The following CDIN1 variants were observed in gnomAD, a reference collection of about 807,000 sequenced individuals.
CDIN1 encodes the protein CDAN1-interacting nuclease 1.
A neutral mutation model predicts 45.3 loss-of-function variants in CDIN1; 33 were observed. The observed-to-expected ratio is 0.73, with a 90% confidence interval of 0.55 to 0.97. The LOEUF is 0.97. Among genes scored for constraint, CDIN1 ranks in the 50% least tolerant of loss-of-function variants. The probability of loss-of-function intolerance (pLI) is 0.00; values close to 1 mark genes in which losing one functional copy is unlikely to be tolerated. For synonymous variants in CDIN1, 118 were observed against 124.4 expected, an observed-to-expected ratio of 0.95 and a Z score of 0.34; for missense variants, 303 against 339.4, an observed-to-expected ratio of 0.89 and a Z score of 0.84.
At chr15:36,744,979 A>C (rs1042166588) in intron 10 of CDIN1, among the ~76,000 whole-genome samples, 2 of 152,150 alleles carry the variant, frequency 1.3e-5, no homozygotes, top group African/African-American at 4.8e-5. Flanking sequence ...ATACATCCAT[A>C]AGTCAGGAAG....
chr15:36,741,762 T>A (rs546975117), intron 10 of CDIN1, among the ~76,000 whole-genome samples: 2 of 152,240 alleles, frequency 1.3e-5, no homozygotes, highest in Admixed American at 6.5e-5. Flanking sequence ...CTTCTTCTTG[T>A]AAGGACATTA....
intron 1 of CDIN1, chr15:36,619,111 A>G (rs1052076357): frequency 2.8e-5 from 30 of 1,064,784 alleles, no homozygotes; most frequent in Admixed American, 4.3e-5. Flanking sequence ...AGCAAGGGCT[A>G]GTAAGGATTA....
At chr15:36,644,046 G>A (rs1319167461) in intron 1 of CDIN1, among the ~76,000 whole-genome samples, 1 of 152,040 alleles carries the variant, frequency 6.6e-6, no homozygotes, top group Non-Finnish European at 1.5e-5. Flanking sequence ...TCAAAATAAT[G>A]TGATAGTTGC....
intron 10 of CDIN1, among the ~76,000 whole-genome samples, chr15:36,779,758 A>G (rs2054304340): frequency 6.6e-6 from 1 of 152,184 alleles, no homozygotes. Context: ...AGAGACTACA[A>G]AATTGCAGTT....
chr15:36,593,862 C>T (rs1452081449), intron 1 of CDIN1, among the ~76,000 whole-genome samples: 1 of 152,114 alleles, frequency 6.6e-6, no homozygotes, highest in African/African-American at 2.4e-5. Flanking sequence ...CCGCGCCTGG[C>T]TGAATGAGAG....
At chr15:36,761,437 G>A (rs1233436131) in intron 10 of CDIN1, among the ~76,000 whole-genome samples, 1 of 152,166 alleles carries the variant, frequency 6.6e-6, no homozygotes, top group Non-Finnish European at 1.5e-5. Flanking sequence ...AAATGATCTG[G>A]TGACAGTATA....
intron 7 of CDIN1, among the ~76,000 whole-genome samples, chr15:36,696,061 C>G (rs986461886): frequency 2.6e-5 from 4 of 152,076 alleles, no homozygotes; most frequent in African/African-American, 7.2e-5. Flanking sequence ...ATTTGCCACT[C>G]ATTAACTGTA....
intron 8 of CDIN1, among the ~76,000 whole-genome samples, chr15:36,698,054 C>G (rs1370767070): frequency 6.6e-6 from 1 of 152,100 alleles, no homozygotes; most frequent in African/African-American, 2.4e-5. Flanking sequence ...GTAAAGGTTT[C>G]ATACAAGTCA....
chr15:36,676,768 C>T (rs2041664356), intron 5 of CDIN1, among the ~76,000 whole-genome samples: 1 of 152,104 alleles, frequency 6.6e-6, no homozygotes, highest in Non-Finnish European at 1.5e-5. Context: ...AGAGGGCTTC[C>T]CTTCATTATG....
At chr15:36,657,377 A>G (rs1762004621) in intron 4 of CDIN1, among the ~76,000 whole-genome samples, 1 of 152,158 alleles carries the variant, frequency 6.6e-6, no homozygotes, top group Admixed American at 6.5e-5. Flanking sequence ...TTTGTCATAT[A>G]AGGACATTTG....
rs577488974 is a variant in CDIN1 at position 36,798,214 on chromosome 15, G to A, written c.717-10110G>A. Among the ~76,000 whole-genome samples the A allele has an allele frequency of 2.5e-4, 38 of 152,160 alleles. 1 individual carries two copies. The highest frequency in any genetic ancestry group is 4.3e-4 in the Non-Finnish European group (29 of 67,980). ...CCCTCATGAAGCTTACATTTTAAAAGAAGTGTTTGTTTGATAACTGCAAGG... is the reference window on the plus strand; with the variant it reads ...CCCTCATGAAGCTTACATTTTAAAAAAAGTGTTTGTTTGATAACTGCAAGG... On this transcript the variant is annotated intron_variant, in intron 10 of 10. Coordinates refer to ENST00000566621, the MANE Select transcript of CDIN1 (RefSeq NM_001321759.2).
chr15:36,762,643 C>T (rs904920275), intron 10 of CDIN1, among the ~76,000 whole-genome samples: 1 of 151,800 alleles, frequency 6.6e-6, no homozygotes, highest in African/African-American at 2.4e-5. Flanking sequence ...TCCCTCCCCA[C>T]TCCCACCACC....
At chr15:36,802,271 C>T (rs1392609432) in intron 10 of CDIN1, among the ~76,000 whole-genome samples, 1 of 152,116 alleles carries the variant, frequency 6.6e-6, no homozygotes, top group Non-Finnish European at 1.5e-5. Flanking sequence ...GTTCTTGAAA[C>T]ACTGCCTGCT....
chr15:36,790,462 CAGAGT>C (rs2054615265), intron 10 of CDIN1: 1 of 152,132 alleles, frequency 6.6e-6, no homozygotes. Context: ...TGTTCGGCAG[CAGAGT>C]AGAGTGACTA....
At chr15:36,587,879 G>A (rs1000888507) in intron 1 of CDIN1, among the ~76,000 whole-genome samples, 3 of 152,110 alleles carry the variant, frequency 2.0e-5, no homozygotes, top group East Asian at 1.9e-4. Context: ...TCTCTTTCTC[G>A]CTCTGTTGTC....
intron 5 of CDIN1, among the ~76,000 whole-genome samples, chr15:36,684,122 G>C (rs553841333): frequency 6.6e-6 from 1 of 151,602 alleles, no homozygotes; most frequent in African/African-American, 2.4e-5. Flanking sequence ...TTGAATAGCA[G>C]TGGTGAGAGA....
At chr15:36,717,233 A>G (rs970538953) in intron 10 of CDIN1, among the ~76,000 whole-genome samples, 1 of 152,206 alleles carries the variant, frequency 6.6e-6, no homozygotes, top group Non-Finnish European at 1.5e-5. Context: ...AATGTTTTAT[A>G]TAAACCTATA....
intron 8 of CDIN1, chr15:36,707,821 C>T (rs552726725): frequency 5.9e-5 from 9 of 152,254 alleles, no homozygotes; most frequent in Non-Finnish European, 1.2e-4. Context: ...AGAACAGAAA[C>T]TTGTCCAATC....
intron 1 of CDIN1, among the ~76,000 whole-genome samples, chr15:36,586,958 A>G (rs2037330595): frequency 6.6e-6 from 1 of 152,224 alleles, no homozygotes; most frequent in South Asian, 2.1e-4. Flanking sequence ...GGATTCAAAT[A>G]AGTAGAATAT....
Sources: gnomAD v4.1 joint callset for allele counts (sites outside exome capture counted in the v4.1 genomes callset) on GRCh38, gnomAD v4.1.1 for gene constraint, MANE v1.5 for transcripts, NCBI Gene and HGNC (gene_info 2026-07-23, HGNC 2026-07-21) for gene names.